Variants in CPNE8 observed in about 807,000 individuals in gnomAD.
CPNE8 encodes copine 8.
Under a neutral mutation model 81.5 loss-of-function variants are expected in CPNE8, and 45 were observed. The observed-to-expected ratio is 0.55, with a 90% CI of 0.44 to 0.71. The LOEUF (loss-of-function observed/expected upper bound fraction) is 0.71. Ranked by LOEUF, CPNE8 falls within the 30% of genes least tolerant of loss-of-function variation. The probability of loss-of-function intolerance (pLI) is 0.00; values close to 1 mark genes in which losing one functional copy is unlikely to be tolerated. For missense variants in CPNE8, 594 were observed against 672.1 expected (o/e 0.88, Z 1.28); for synonymous variants, 252 against 226.3 (o/e 1.11, Z -1.02).
chr12:38,876,408 T>C (rs1245641154), intron 1 of CPNE8, among the ~76,000 whole-genome samples: 3 of 152,070 alleles, frequency 2.0e-5, no homozygotes, highest in African/African-American at 7.2e-5. Context: ...AGACAGGGTT[T>C]CTCCATGTTG....
At chr12:38,746,535 T>G (rs1941230559) in intron 10 of CPNE8, among the ~76,000 whole-genome samples, 1 of 152,224 alleles carries the variant, frequency 6.6e-6, no homozygotes, top group Admixed American at 6.5e-5. Flanking sequence ...AATATCATTT[T>G]GACACAAGTG....
At chr12:38,905,668 T>TG, upstream of CPNE8, 1 of 1,474,460 alleles carries the variant, frequency 6.8e-7, no homozygotes, top group Non-Finnish European at 9.0e-7. Context: ...GCGCGCGGGA[T>TG]GGGGGAGGGA....
intron 10 of CPNE8, among the ~76,000 whole-genome samples, chr12:38,749,072 A>C (rs1941298986): frequency 6.6e-6 from 1 of 152,116 alleles, no homozygotes; most frequent in African/African-American, 2.4e-5. Flanking sequence ...ATGTTCTGGG[A>C]GGAACCCTGT....
chr12:38,817,861 G>A (rs761405235), intron 6 of CPNE8, among the ~76,000 whole-genome samples: 3 of 152,074 alleles, frequency 2.0e-5, no homozygotes, highest in Non-Finnish European at 4.4e-5. Flanking sequence ...CTGACCTCGT[G>A]ATCCTCCTGC....
intron 6 of CPNE8, among the ~76,000 whole-genome samples, chr12:38,799,643 A>C (rs574353506): frequency 1.3e-5 from 2 of 152,208 alleles, no homozygotes; most frequent in South Asian, 4.1e-4. Context: ...AGAACTAGAA[A>C]AGTGGAGGAG....
chr12:38,861,054 T>C (rs879578853), intron 3 of CPNE8, among the ~76,000 whole-genome samples: 1 of 152,148 alleles, frequency 6.6e-6, no homozygotes, highest in African/African-American at 2.4e-5. Context: ...TATTCAGCTT[T>C]ACAAAATAAG....
chr12:38,871,140 C>T (rs1234660818), intron 3 of CPNE8, among the ~76,000 whole-genome samples: 1 of 152,110 alleles, frequency 6.6e-6, no homozygotes, highest in Non-Finnish European at 1.5e-5. Context: ...TGAGGCTGCC[C>T]TTAAACTAAC....
intron 6 of CPNE8, among the ~76,000 whole-genome samples, chr12:38,777,681 A>G (rs892179534): frequency 1.3e-5 from 2 of 152,186 alleles, no homozygotes; most frequent in Admixed American, 1.3e-4. Context: ...CTGATGTTAC[A>G]ATTACCTGTT....
At chr12:38,867,337 T>A (rs200159629) in intron 3 of CPNE8, among the ~76,000 whole-genome samples, 1,714 of 136,994 alleles carry the variant, frequency 0.013, 11 homozygotes, top group South Asian at 0.016. Flanking sequence ...TGTGTGTGTG[T>A]GTGAGAGAGA....
At position 38,848,627 on chromosome 12, in the gene CPNE8, A is replaced by G. The variant is rs1354721074; in HGVS notation, c.222T>C (p.Asn74=). The change falls in exon 4 of 20, where the codon AAT becomes AAC. Residue 74 remains asparagine (N), a synonymous_variant. Coordinates refer to ENST00000331366, the MANE Select transcript of CPNE8 (RefSeq NM_153634.3). ...GRTEVIDNTL[N]PDFVRKFILD... ...GAATAAACTTTCTTACAAAATCAGG[A>G]TTTAAAGTATTATCAATTACTTCAG... The G allele has an allele frequency of 6.3e-7, 1 of 1,593,646 alleles. No individual in the cohort carries two copies. The highest frequency in any genetic ancestry group is 1.8e-5 in the Admixed American group (1 of 54,156).
At position 38,653,596 on chromosome 12, in the gene CPNE8, T is replaced by C. The variant is rs1018705345; in HGVS notation, c.*286A>G. On this transcript the variant is annotated 3_prime_UTR_variant, in exon 20 of 20. Coordinates refer to ENST00000331366, the MANE Select transcript of CPNE8 (RefSeq NM_153634.3). ...GTTTGTGCTTTTTCCCAACAATACATTGGAAATTAGCTGTTTCTGTTAAAA... is the reference window on the plus strand; with the variant it reads ...GTTTGTGCTTTTTCCCAACAATACACTGGAAATTAGCTGTTTCTGTTAAAA... The C allele has an allele frequency of 4.6e-5, 12 of 259,142 alleles. No homozygotes were observed. The highest frequency in any genetic ancestry group is 1.8e-4 in the Admixed American group (3 of 16,276). The allele number at this position is 259,142 out of a possible 1,614,324, so 16.1% of individuals were successfully genotyped here.
intron 3 of CPNE8, among the ~76,000 whole-genome samples, chr12:38,862,785 C>G (rs1943857422): frequency 6.6e-6 from 1 of 151,994 alleles, no homozygotes; most frequent in African/African-American, 2.4e-5. Context: ...CCTGGCTCTA[C>G]TAAAAATACA....
intron 13 of CPNE8, among the ~76,000 whole-genome samples, chr12:38,719,837 C>A (rs1465516725): frequency 6.6e-6 from 1 of 152,018 alleles, no homozygotes; most frequent in Non-Finnish European, 1.5e-5. Flanking sequence ...TATAATATGT[C>A]TTTGTATAAA....
At chr12:38,851,436 CT>C (rs372910139) in intron 3 of CPNE8, among the ~76,000 whole-genome samples, 13 of 152,244 alleles carry the variant, frequency 8.5e-5, no homozygotes, top group African/African-American at 2.9e-4. Flanking sequence ...CCACTATCCA[CT>C]TGATTAATCA....
chr12:38,809,547 T>C (rs1267133962), intron 6 of CPNE8, among the ~76,000 whole-genome samples: 4 of 152,198 alleles, frequency 2.6e-5, no homozygotes, highest in Non-Finnish European at 5.9e-5. Context: ...ATAACATAAC[T>C]ATAGTTGTGA....
chr12:38,673,166 C>A (rs1939215627), intron 18 of CPNE8, among the ~76,000 whole-genome samples: 1 of 152,182 alleles, frequency 6.6e-6, no homozygotes, highest in Non-Finnish European at 1.5e-5. Flanking sequence ...TGCTCTCTCT[C>A]TCTCCTGCCA....
At chr12:38,793,285 T>G (rs1942372724) in intron 6 of CPNE8, among the ~76,000 whole-genome samples, 1 of 151,392 alleles carries the variant, frequency 6.6e-6, no homozygotes, top group African/African-American at 2.4e-5. Flanking sequence ...AAATTATCTC[T>G]GTTTACAGAA....
At chr12:38,668,809 G>A (rs1939112075) in intron 19 of CPNE8, among the ~76,000 whole-genome samples, 1 of 152,066 alleles carries the variant, frequency 6.6e-6, no homozygotes, top group Admixed American at 6.6e-5. Flanking sequence ...CAGCACATTG[G>A]GAGGCCGAGG....
chr12:38,784,086 A>G (rs1409159101), intron 6 of CPNE8, among the ~76,000 whole-genome samples: 1 of 152,238 alleles, frequency 6.6e-6, no homozygotes, highest in Non-Finnish European at 1.5e-5. Flanking sequence ...AGAAGTAAAA[A>G]TAGCTGTTTT....
Sources: gnomAD v4.1 joint callset for allele counts (sites outside exome capture counted in the v4.1 genomes callset) on GRCh38, gnomAD v4.1.1 for gene constraint, MANE v1.5 for transcripts, NCBI Gene and HGNC (gene_info 2026-07-23, HGNC 2026-07-21) for gene names.